The following ERI2 variants were observed in gnomAD, a reference collection of about 807,000 sequenced individuals.
ERI2 encodes ERI1 exoribonuclease 2.
Under a neutral mutation model 46.8 loss-of-function variants are expected in ERI2, and 35 were observed. The observed-to-expected ratio is 0.75, with a 90% CI of 0.57 to 0.99. The LOEUF is 0.99. ERI2 is among the 50% of genes least tolerant of loss of function. The pLI, the probability that ERI2 is intolerant of heterozygous loss-of-function variation, is 0.00. For missense variants in ERI2, 695 were observed against 796.2 expected, an observed-to-expected ratio of 0.87 and a Z score of 1.53; for synonymous variants, 224 against 271.0, an observed-to-expected ratio of 0.83 and a Z score of 1.70.
intron 10 of ERI2, chr16:20,781,753 G>A (rs944527565): frequency 1.2e-6 from 2 of 1,613,212 alleles, no homozygotes; most frequent in Non-Finnish European, 1.7e-6. Flanking sequence ...AGCACCAACT[G>A]TATACCGAAT....
intron 1 of ERI2, chr16:20,806,032 G>C: frequency 8.6e-7 from 1 of 1,169,588 alleles, no homozygotes; most frequent in Non-Finnish European, 1.1e-6. Flanking sequence ...CGAGCATTTC[G>C]AACAGGTTGA....
intron 10 of ERI2, chr16:20,789,434 G>A: frequency 2.2e-6 from 3 of 1,360,782 alleles, no homozygotes; most frequent in African/African-American, 1.4e-5. Flanking sequence ...AGGGAATGAT[G>A]AGGATTGGAG....
In ERI2 at chr16:20,798,165, T is replaced by C. The variant is rs1045371204; in HGVS notation, c.1635A>G (p.Ala545=). 3 of 1,551,632 alleles carry C rather than the reference T, an allele frequency of 1.9e-6. No individual in the cohort carries two copies. Among genetic ancestry groups the C allele is most frequent in the Non-Finnish European group, 2.6e-6 (3 of 1,146,932 alleles). ...CATGAATAGTGAAGGGTTGTTTTTT[T>C]GCTGGTGGGAAAGCTTGGGGACTGC... is the stretch of plus-strand genomic sequence containing the variant. ...NPCSPQAFPP[A]KKQPFTIHEE... Residue 545 remains alanine (A), a synonymous_variant, in exon 9 of 9, where the codon GCA becomes GCG. Coordinates refer to ENST00000357967, the MANE Select transcript of ERI2 (RefSeq NM_001142725.2).
chr16:20,786,192 A>G (rs1468166195), intron 10 of ERI2: 2 of 1,606,728 alleles, frequency 1.2e-6, no homozygotes, highest in Non-Finnish European at 1.7e-6. Context: ...AATGTTTAAC[A>G]ACCCAATCTG....
chr16:20,796,277 C>T (rs2080721744), downstream of ERI2: 1 of 1,531,244 alleles, frequency 6.5e-7, no homozygotes, highest in African/African-American at 1.4e-5. Flanking sequence ...CCCACCCCAC[C>T]AGGCATGTAG....
downstream of ERI2, among the ~76,000 whole-genome samples, chr16:20,795,694 TAC>T (rs2080708456): frequency 6.6e-6 from 1 of 152,064 alleles, no homozygotes; most frequent in South Asian, 2.1e-4. Context: ...GCGTTGGAGG[TAC>T]ATACTAGTTG....
chr16:20,803,598 C>G lies in ERI2; in HGVS notation c.91+5G>C. 6.2e-7 allele frequency: 1 copy of G among 1,614,134 alleles called. No individual in the cohort carries two copies. Among genetic ancestry groups the G allele is most frequent in the Non-Finnish European group, 8.5e-7 (1 of 1,179,996 alleles). ...AAATGCAAAGAAACTAAGCATACTA[C>G]TCACTGGATTTGCTTCTTCCGAGAT... On this transcript the variant is annotated splice_donor_5th_base_variant and intron_variant, in intron 2 of 8. Coordinates refer to ENST00000357967, the MANE Select transcript of ERI2 (RefSeq NM_001142725.2).
chr16:20,782,249 T>C (rs1411655931), intron 10 of ERI2, among the ~76,000 whole-genome samples: 1 of 152,186 alleles, frequency 6.6e-6, no homozygotes, highest in East Asian at 1.9e-4. Flanking sequence ...TGTTTTGTTT[T>C]GTTTTGTTTC....
chr16:20,794,713 CATT>C (rs1360175250), downstream of ERI2, among the ~76,000 whole-genome samples: 1 of 152,130 alleles, frequency 6.6e-6, no homozygotes, highest in Non-Finnish European at 1.5e-5. Flanking sequence ...ATGTGCCAGG[CATT>C]ATACATCTAT....
chr16:20,786,894 G>T (rs1251717999), intron 10 of ERI2, among the ~76,000 whole-genome samples: 1 of 152,120 alleles, frequency 6.6e-6, no homozygotes, highest in Non-Finnish European at 1.5e-5. Context: ...GTCCTCTCAG[G>T]CAAGGGAGGT....
rs764087393 is a variant in ERI2 at position 20,803,683 on chromosome 16, A to G, written c.24-13T>C. ...TAATCCAAGCTGCCTAAAAATGTGA[A>G]GCAATCCAAATATGATCAATGAACT... On this transcript the variant is annotated splice_polypyrimidine_tract_variant and intron_variant, in intron 1 of 8. Transcript: ENST00000357967. 1.6e-5 allele frequency: 26 copies of G among 1,612,898 alleles called. No individual in the cohort carries two copies.
chr16:20,801,440 T>C (rs2152495429), intron 4 of ERI2, 81 bp from the exon 5 acceptor site: 1 of 1,398,622 alleles, frequency 7.1e-7, no homozygotes, highest in Non-Finnish European at 9.5e-7. Context: ...TGGAGAAAGA[T>C]TAATGGTTTT....
At chr16:20,800,108 A>G (rs1422643628) in intron 6 of ERI2, 70 bp from the exon 7 acceptor site, 2 of 1,062,246 alleles carry the variant, frequency 1.9e-6, no homozygotes, top group Admixed American at 2.3e-5. Flanking sequence ...AACACTTTTC[A>G]TAATTTTTAG....
chr16:20,798,280 C>A lies in ERI2; in HGVS notation c.1520G>T (p.Ser507Ile). 1 of 1,551,518 alleles carries A rather than the reference C, an allele frequency of 6.4e-7. No individual in the cohort carries two copies. The highest frequency in any genetic ancestry group is 1.2e-5 in the South Asian group (1 of 84,058). ...ATTGGCATTAACTCTGTTGAAGGTACTTGATTTGTGTTCAGGTAACTTAAA... is the reference window on the plus strand; with the variant it reads ...ATTGGCATTAACTCTGTTGAAGGTAATTGATTTGTGTTCAGGTAACTTAAA... ...SAFKLPEHKS[S>I]TFNRVNANMS... Residue 507 changes from serine (S) to isoleucine (I), a missense_variant, in exon 9 of 9, where the codon AGT becomes ATT. Ser to Ile is a moderately radical substitution (Grantham distance 142). Transcript: ENST00000357967.
In ERI2 at chr16:20,796,726, C is replaced by T; in HGVS notation, c.*998G>A. ...AAATACTTAATATCAAGACAACTTT[C>T]CTAACAATACCCTTTTCCCTATTTT... On this transcript the variant is annotated 3_prime_UTR_variant, in exon 9 of 9. Coordinates refer to ENST00000357967, the MANE Select transcript of ERI2 (RefSeq NM_001142725.2). 1 of 1,491,988 alleles carries T rather than the reference C, an allele frequency of 6.7e-7. No homozygotes were observed. The highest frequency in any genetic ancestry group is 8.9e-7 in the Non-Finnish European group (1 of 1,127,708). 92.4% of individuals were successfully genotyped at this position (1,491,988 alleles called of 1,614,324 possible).
chr16:20,797,499 G>T lies in ERI2; in HGVS notation c.*225C>A. On this transcript the variant is annotated 3_prime_UTR_variant, in exon 9 of 9. Coordinates refer to ENST00000357967, the MANE Select transcript of ERI2 (RefSeq NM_001142725.2). Reference sequence around the variant, plus strand: ...AATAATTTAAAAATAGTTTAGACTTGTTTCAAGGTCTAACTATAAAAGAAG... The same window carrying T: ...AATAATTTAAAAATAGTTTAGACTTTTTTCAAGGTCTAACTATAAAAGAAG... 8.8e-7 allele frequency: 1 copy of T among 1,133,164 alleles called. No individual in the cohort carries two copies. The highest frequency in any genetic ancestry group is 1.1e-6 in the Non-Finnish European group (1 of 924,846). The allele number at this position is 1,133,164 out of a possible 1,614,324, so 70.2% of individuals were successfully genotyped here.
At chr16:20,789,425 G>C in intron 10 of ERI2, 1 of 1,298,082 alleles carries the variant, frequency 7.7e-7, no homozygotes, top group Non-Finnish European at 1.1e-6. Flanking sequence ...AGACACTTCA[G>C]GGAATGATGA....
At chr16:20,792,321 C>G, downstream of ERI2, 1 of 1,613,936 alleles carries the variant, frequency 6.2e-7, no homozygotes, top group South Asian at 1.1e-5. Flanking sequence ...CAGCCCAGAC[C>G]CCATCAGAGG....
At chr16:20,791,104 C>T (rs1317102207) in intron 8 of ERI2, among the ~76,000 whole-genome samples, 1 of 152,176 alleles carries the variant, frequency 6.6e-6, no homozygotes, top group African/African-American at 2.4e-5. Flanking sequence ...GCTTTCTAAG[C>T]TCCTTACTGT....
Sources: allele counts gnomAD v4.1 joint callset (sites outside exome capture counted in the v4.1 genomes callset), GRCh38; gene constraint gnomAD v4.1.1; transcripts MANE v1.5; gene names NCBI Gene and HGNC (gene_info 2026-07-23, HGNC 2026-07-21).